The following SORBS2 variants were observed in gnomAD, a reference collection of about 807,000 sequenced individuals.
The protein encoded by SORBS2 is sorbin and SH3 domain-containing protein 2.
A neutral mutation model predicts 97.7 loss-of-function variants in SORBS2; 46 were observed. The ratio of observed to expected loss-of-function variants is 0.47; its 90% CI spans 0.37 to 0.60. The LOEUF is 0.60. SORBS2 is among the 20% of genes least tolerant of loss of function. The pLI, the probability that SORBS2 is intolerant of heterozygous loss-of-function variation, is 0.00. For synonymous variants in SORBS2, 476 were observed against 473.4 expected, an observed-to-expected ratio of 1.01 and a Z score of -0.07; for missense variants, 1,316 against 1,282.3, an observed-to-expected ratio of 1.03 and a Z score of -0.40.
chr4:185,854,913 G>A (rs974002171), intron 1 of SORBS2, among the ~76,000 whole-genome samples: 29 of 152,100 alleles, frequency 1.9e-4, no homozygotes, highest in African/African-American at 7.0e-4. Context: ...ACATTAAAAT[G>A]CTTTCCACTA....
intron 1 of SORBS2, among the ~76,000 whole-genome samples, chr4:185,799,731 T>C (rs1339892094): frequency 2.0e-5 from 3 of 152,160 alleles, no homozygotes; most frequent in African/African-American, 7.2e-5. Flanking sequence ...GAGACCTTCT[T>C]TGCGTCAGAT....
At chr4:185,931,533 C>T (rs1220905828) in intron 1 of SORBS2, among the ~76,000 whole-genome samples, 1 of 152,002 alleles carries the variant, frequency 6.6e-6, no homozygotes, top group African/African-American at 2.4e-5. Context: ...AACATCAAGG[C>T]CGGGGGTTAT....
intron 1 of SORBS2, among the ~76,000 whole-genome samples, chr4:185,940,940 T>C (rs964645745): frequency 2.0e-5 from 3 of 152,138 alleles, no homozygotes; most frequent in African/African-American, 7.2e-5. Flanking sequence ...ACATTTTTGG[T>C]GGTCGTTACT....
chr4:185,771,877 G>T (rs549868875), intron 2 of SORBS2: 6 of 152,216 alleles, frequency 3.9e-5, no homozygotes, highest in Admixed American at 2.0e-4. Context: ...AACTGCCAGA[G>T]AACCATGAGG....
At chr4:185,739,871 T>C (rs1025560735) in intron 2 of SORBS2, 4 of 152,636 alleles carry the variant, frequency 2.6e-5, no homozygotes, top group African/African-American at 9.7e-5. Context: ...CAACCCACTG[T>C]CACCCTGCCA....
At chr4:185,730,545 A>G (rs987430745) in intron 2 of SORBS2, among the ~76,000 whole-genome samples, 2 of 152,256 alleles carry the variant, frequency 1.3e-5, no homozygotes, top group Non-Finnish European at 1.5e-5. Flanking sequence ...CTGTAACAGA[A>G]TACTGATGAC....
intron 11 of SORBS2, among the ~76,000 whole-genome samples, chr4:185,612,662 G>A (rs2096560239): frequency 6.6e-6 from 1 of 151,792 alleles, no homozygotes; most frequent in Non-Finnish European, 1.5e-5. Context: ...CTAATTTTTT[G>A]TATTTTAGCA....
At chr4:185,665,772 C>T in intron 4 of SORBS2, 1 of 1,063,418 alleles carries the variant, frequency 9.4e-7, no homozygotes, top group African/African-American at 1.7e-5. Flanking sequence ...TGCCATCTGT[C>T]ACAGCAGACC....
intron 2 of SORBS2, among the ~76,000 whole-genome samples, chr4:185,706,659 G>C (rs1005978286): frequency 3.3e-5 from 5 of 152,116 alleles, no homozygotes; most frequent in Non-Finnish European, 7.4e-5. Flanking sequence ...CCATGCATTT[G>C]AGTAGCCATC....
intron 1 of SORBS2, among the ~76,000 whole-genome samples, chr4:185,841,871 C>A (rs2099211750): frequency 6.6e-6 from 1 of 152,208 alleles, no homozygotes; most frequent in African/African-American, 2.4e-5. Flanking sequence ...ATTTTACTGA[C>A]CAAACACTGT....
chr4:185,675,182 G>A (rs1274444633), intron 4 of SORBS2: 1 of 152,210 alleles, frequency 6.6e-6, no homozygotes, highest in Non-Finnish European at 1.5e-5. Flanking sequence ...AAAACGAAAG[G>A]TATCAGCTTG....
rs1225771409 is a variant in SORBS2 at position 185,944,526 on chromosome 4, C to T, written c.-338+11670G>A. Among the ~76,000 whole-genome samples, 3 of 152,188 alleles carry T rather than the reference C, an allele frequency of 2.0e-5. No homozygotes were observed. The East Asian group carries it at 5.8e-4, about 29-fold the overall frequency. On this transcript the variant is annotated intron_variant, in intron 1 of 20. Coordinates refer to the SORBS2 transcript ENST00000284776. The stretch of plus-strand genomic sequence containing the variant: ...ACATCTAAAATTTGGATCTGAAATG[C>T]ATAGTGCAGAAATCACACAGCCCTT...
chr4:185,839,290 A>C (rs913364924), intron 1 of SORBS2, among the ~76,000 whole-genome samples: 7 of 152,384 alleles, frequency 4.6e-5, no homozygotes, highest in African/African-American at 1.7e-4. Flanking sequence ...GAAAGAGGGC[A>C]TGGAGAAGAT....
chr4:185,818,689 G>A (rs2099194800), intron 1 of SORBS2, among the ~76,000 whole-genome samples: 1 of 151,954 alleles, frequency 6.6e-6, no homozygotes, highest in Non-Finnish European at 1.5e-5. Flanking sequence ...AGCTGGGCCT[G>A]GTGGTGGGCG....
intron 1 of SORBS2, among the ~76,000 whole-genome samples, chr4:185,814,557 C>CAAAA (rs1554035498): frequency 8.2e-5 from 7 of 84,986 alleles, no homozygotes; most frequent in Non-Finnish European, 1.8e-4. Context: ...AGTAGCAAAA[C>CAAAA]AAACAAACAA....
intron 1 of SORBS2, among the ~76,000 whole-genome samples, chr4:185,819,993 GGGCGGTTGT>G (rs2099195717): frequency 6.6e-6 from 1 of 152,150 alleles, no homozygotes; most frequent in Non-Finnish European, 1.5e-5. Context: ...CTAATTCTGA[GGGCGGTTGT>G]GGCAATTAAA....
At chr4:185,787,075 T>C (rs954404178) in intron 1 of SORBS2, among the ~76,000 whole-genome samples, 1 of 151,388 alleles carries the variant, frequency 6.6e-6, no homozygotes, top group Non-Finnish European at 1.5e-5. Flanking sequence ...GGCTACTCCA[T>C]CAAGTGGTTG....
chr4:185,690,473 G>A, intron 2 of SORBS2, 89 bp downstream of exon 4: 1 of 700,276 alleles, frequency 1.4e-6, no homozygotes, highest in Non-Finnish European at 2.3e-6. Context: ...TCACATTTAG[G>A]ATCAGAAGAG....
chr4:185,760,728 C>A (rs1193712738), intron 2 of SORBS2, among the ~76,000 whole-genome samples: 2 of 152,184 alleles, frequency 1.3e-5, no homozygotes, highest in African/African-American at 4.8e-5. Flanking sequence ...AGTTCATGAA[C>A]ACGTCCAGGA....
Sources: gnomAD v4.1 joint callset for allele counts (sites outside exome capture counted in the v4.1 genomes callset) on GRCh38, gnomAD v4.1.1 for gene constraint, MANE v1.5 for transcripts, NCBI Gene and HGNC (gene_info 2026-07-23, HGNC 2026-07-21) for gene names.